Variants in SPAG16 observed in about 807,000 individuals in gnomAD.
The protein encoded by SPAG16 is sperm associated antigen 16.
In SPAG16, 86 loss-of-function variants were observed where a neutral mutation model predicts 80.4. The ratio of observed to expected loss-of-function variants is 1.07; its 90% CI spans 0.90 to 1.28. The LOEUF is 1.28. SPAG16 is among the 50% of genes most tolerant of loss of function. SPAG16 has a pLI of 0.00. For synonymous variants in SPAG16, 294 were observed against 265.9 expected, an observed-to-expected ratio of 1.11 and a Z score of -1.03; for missense variants, 870 against 765.3, an observed-to-expected ratio of 1.14 and a Z score of -1.61.
rs543569553 is a variant in SPAG16, at chr2:213,924,405, C to T, written c.1215-5555C>T. 2.0e-4 allele frequency among the ~76,000 whole-genome samples: 31 copies of T among 152,296 alleles called. No homozygotes were observed. The South Asian group carries it at 4.1e-3, about 20-fold the overall frequency. On this transcript the variant is annotated intron_variant, in intron 11 of 15. Transcript: ENST00000331683. The stretch of plus-strand genomic sequence containing the variant: ...TCCCATTTTTGTAGAGGTTCTTCTG[C>T]GCCACATTGATCCCAGACAGATAGC...
intron 12 of SPAG16, among the ~76,000 whole-genome samples, chr2:213,976,932 G>A (rs1039098593): frequency 2.0e-5 from 3 of 152,044 alleles, no homozygotes; most frequent in Admixed American, 2.0e-4. Context: ...ACAGTTAGCT[G>A]AGCCTAACAG....
intron 13 of SPAG16, among the ~76,000 whole-genome samples, chr2:214,019,249 C>T (rs2047737779): frequency 6.6e-6 from 1 of 151,132 alleles, no homozygotes; most frequent in Non-Finnish European, 1.5e-5. Context: ...GATTGTTAGT[C>T]ATCCACAAAC....
intron 10 of SPAG16, among the ~76,000 whole-genome samples, chr2:213,671,698 G>T (rs764989391): frequency 1.3e-5 from 2 of 152,308 alleles, no homozygotes; most frequent in Middle Eastern, 3.4e-3. Context: ...AGATGGTCTT[G>T]AGTTAAGCAC....
intron 10 of SPAG16, among the ~76,000 whole-genome samples, chr2:213,588,175 AT>A (rs1212248568): frequency 1.3e-5 from 2 of 152,006 alleles, no homozygotes; most frequent in Non-Finnish European, 2.9e-5. Flanking sequence ...TGTGAAAGGG[AT>A]TTTTTTCTTT....
At chr2:213,464,273 A>G (rs192644198) in intron 9 of SPAG16, among the ~76,000 whole-genome samples, 1 of 152,216 alleles carries the variant, frequency 6.6e-6, no homozygotes, top group Non-Finnish European at 1.5e-5. Context: ...CATGGGCATG[A>G]GAGTAATCCA....
rs577532069 is a variant in SPAG16, at chr2:213,347,918, T to C, written c.645-2610T>C. On this transcript the variant is annotated intron_variant, in intron 6 of 15. Coordinates refer to ENST00000331683, the MANE Select transcript of SPAG16 (RefSeq NM_024532.5). ...CTATTAGGTCTGCTTGGTGTGGAGC[T>C]GAGTTCAATTCCTGGATATCCTTGT... Among the ~76,000 whole-genome samples, 432 of 152,278 alleles carry C rather than the reference T, an allele frequency of 2.8e-3. 2 individuals are homozygous for C. Among genetic ancestry groups the C allele is most frequent in the Non-Finnish European group, 3.7e-3 (255 of 68,014 alleles).
At chr2:214,357,312 A>T (rs569933067) in intron 15 of SPAG16, among the ~76,000 whole-genome samples, 1 of 151,786 alleles carries the variant, frequency 6.6e-6, no homozygotes, top group South Asian at 2.1e-4. Context: ...ATATCCTATG[A>T]TCTCCTACTG....
At chr2:213,688,939 T>C (rs187623070) in intron 10 of SPAG16, among the ~76,000 whole-genome samples, 29 of 152,312 alleles carry the variant, frequency 1.9e-4, no homozygotes, top group Non-Finnish European at 2.9e-5. Flanking sequence ...TTTGAACATA[T>C]GAAATTTGAT....
chr2:214,113,340 A>G (rs1160376882), intron 14 of SPAG16, among the ~76,000 whole-genome samples: 1 of 151,958 alleles, frequency 6.6e-6, no homozygotes, highest in Non-Finnish European at 1.5e-5. Context: ...TGTTCTCTGT[A>G]TTTACTGAAT....
intron 10 of SPAG16, among the ~76,000 whole-genome samples, chr2:213,589,134 A>C (rs2060590692): frequency 6.6e-6 from 1 of 152,200 alleles, no homozygotes; most frequent in Non-Finnish European, 1.5e-5. Context: ...ACAAAGAAGA[A>C]ATAATAATAT....
At chr2:213,304,844 G>T (rs546101487) in intron 3 of SPAG16, among the ~76,000 whole-genome samples, 2 of 152,140 alleles carry the variant, frequency 1.3e-5, no homozygotes, top group South Asian at 2.1e-4. Flanking sequence ...GATAGCTTTG[G>T]CTAATGTGGG....
chr2:213,457,756 T>C (rs2072114838), intron 9 of SPAG16, among the ~76,000 whole-genome samples: 1 of 152,208 alleles, frequency 6.6e-6, no homozygotes, highest in African/African-American at 2.4e-5. Context: ...TTACTTTTAA[T>C]TTCTGTCTGA....
In SPAG16 at chr2:214,194,905, C is replaced by G. The variant is rs1260457142; in HGVS notation, c.1720+45639C>G. ...TTAATACACATTTATTACACAGCAT[C>G]CATATGTGGTAGCCATTGTGTTAAA... On this transcript the variant is annotated intron_variant, in intron 15 of 15. Coordinates refer to ENST00000331683, the MANE Select transcript of SPAG16 (RefSeq NM_024532.5). Among the ~76,000 whole-genome samples the G allele has an allele frequency of 2.0e-5, 3 of 152,014 alleles. No homozygotes were observed. In the East Asian group the frequency reaches 5.8e-4, roughly 29 times the overall value.
intron 15 of SPAG16, among the ~76,000 whole-genome samples, chr2:214,245,039 A>G (rs1011423797): frequency 6.6e-6 from 1 of 152,132 alleles, no homozygotes; most frequent in Non-Finnish European, 1.5e-5. Context: ...TGCTGTTCTC[A>G]TGTTCCAGTG....
chr2:213,887,180 A>T (rs1346797254), intron 11 of SPAG16, among the ~76,000 whole-genome samples: 2 of 152,104 alleles, frequency 1.3e-5, no homozygotes, highest in Non-Finnish European at 2.9e-5. Flanking sequence ...TAACACTGGC[A>T]TCATACTTTT....
intron 11 of SPAG16, among the ~76,000 whole-genome samples, chr2:213,892,644 G>A (rs1039057466): frequency 6.6e-6 from 1 of 152,070 alleles, no homozygotes; most frequent in Non-Finnish European, 1.5e-5. Flanking sequence ...AAATCGTAGA[G>A]CTGAGAAATA....
At chr2:213,637,635 T>C (rs2062416376) in intron 10 of SPAG16, among the ~76,000 whole-genome samples, 1 of 152,230 alleles carries the variant, frequency 6.6e-6, no homozygotes, top group Admixed American at 6.5e-5. Flanking sequence ...TATTGGTCTG[T>C]TGAGAGTTTC....
chr2:214,245,389 TA>T (rs1689768104), intron 15 of SPAG16, among the ~76,000 whole-genome samples: 1 of 152,144 alleles, frequency 6.6e-6, no homozygotes, highest in Non-Finnish European at 1.5e-5. Context: ...CCACCTTTTG[TA>T]GGGCCTAAGT....
chr2:213,307,755 C>G (rs557320208), intron 3 of SPAG16, among the ~76,000 whole-genome samples: 2 of 152,056 alleles, frequency 1.3e-5, no homozygotes, highest in Non-Finnish European at 2.9e-5. Context: ...CCTGAGGAAT[C>G]GCCACACTGA....
Sources: gnomAD v4.1 joint callset for allele counts (sites outside exome capture counted in the v4.1 genomes callset) on GRCh38, gnomAD v4.1.1 for gene constraint, MANE v1.5 for transcripts, NCBI Gene and HGNC (gene_info 2026-07-23, HGNC 2026-07-21) for gene names.